FRMD4A: variants seen among roughly 807,000 people sequenced by gnomAD.
The protein encoded by FRMD4A is FERM domain containing 4A.
Under a neutral mutation model 129.1 loss-of-function variants are expected in FRMD4A, and 29 were observed. The observed-to-expected ratio is 0.22, with a 90% CI of 0.17 to 0.31. The LOEUF is 0.31. Among genes scored for constraint, FRMD4A ranks in the 10% least tolerant of loss-of-function variants. The pLI, the probability that FRMD4A is intolerant of heterozygous loss-of-function variation, is 1.00. For missense variants in FRMD4A, 1,272 were observed against 1,375.8 expected (o/e 0.92, Z 1.19); for synonymous variants, 634 against 571.6 (o/e 1.11, Z -1.56).
At chr10:13,799,026 C>A (rs1332362539) in intron 4 of FRMD4A, among the ~76,000 whole-genome samples, 1 of 152,216 alleles carries the variant, frequency 6.6e-6, no homozygotes, top group Non-Finnish European at 1.5e-5. Context: ...CTTCCCACAC[C>A]ACACACCGGG....
intron 2 of FRMD4A, among the ~76,000 whole-genome samples, chr10:14,328,492 G>T (rs1016378213): frequency 6.6e-6 from 1 of 151,878 alleles, no homozygotes. Flanking sequence ...TAGAAGAAAG[G>T]TCCAAGTAGG....
intron 15 of FRMD4A, chr10:13,693,140 C>A: frequency 6.4e-6 from 1 of 155,188 alleles, no homozygotes; most frequent in Non-Finnish European, 1.4e-5. Flanking sequence ...TCCCACAGTG[C>A]TGGGATTAGA....
At chr10:14,063,133 C>T (rs11258847) in intron 2 of FRMD4A, among the ~76,000 whole-genome samples, 21,335 of 151,860 alleles carry the variant, frequency 0.14, 1,909 homozygotes, top group African/African-American at 0.25. Context: ...AAGCAGAGAA[C>T]GTATTTTGCA....
At chr10:13,781,328 A>G (rs1445072091) in intron 6 of FRMD4A, among the ~76,000 whole-genome samples, 2 of 148,608 alleles carry the variant, frequency 1.3e-5, no homozygotes, top group African/African-American at 4.9e-5. Flanking sequence ...AAAAAAAAAA[A>G]AGGAAGGAAA....
At chr10:13,955,323 G>T (rs1402572842) in intron 2 of FRMD4A, among the ~76,000 whole-genome samples, 5 of 152,066 alleles carry the variant, frequency 3.3e-5, no homozygotes, top group Non-Finnish European at 7.4e-5. Context: ...GGCCAGGCTG[G>T]TCTCGAACTC....
intron 6 of FRMD4A, among the ~76,000 whole-genome samples, chr10:13,775,804 C>T (rs559376024): frequency 5.3e-5 from 8 of 152,248 alleles, no homozygotes; most frequent in East Asian, 3.9e-4. Context: ...CAAAGAGGAA[C>T]GAGAACTACC....
intron 2 of FRMD4A, among the ~76,000 whole-genome samples, chr10:13,949,761 G>A (rs2095359305): frequency 6.6e-6 from 1 of 152,154 alleles, no homozygotes; most frequent in Non-Finnish European, 1.5e-5. Flanking sequence ...GTGTGTAAGG[G>A]ACATCCCAAG....
At chr10:14,214,051 CATGT>C (rs1279252630) in intron 2 of FRMD4A, among the ~76,000 whole-genome samples, 1 of 152,244 alleles carries the variant, frequency 6.6e-6, no homozygotes, top group African/African-American at 2.4e-5. Flanking sequence ...TGGCTGCCGC[CATGT>C]AAGATGTGCG....
intron 3 of FRMD4A, among the ~76,000 whole-genome samples, chr10:13,837,202 A>G (rs11258665): frequency 0.18 from 27,255 of 152,170 alleles, 3,223 homozygotes; most frequent in East Asian, 0.45. Context: ...TGCTTTCCTC[A>G]AGGGGGTTGC....
At chr10:13,668,189 A>C (rs1167408157) in intron 17 of FRMD4A, 1 of 152,282 alleles carries the variant, frequency 6.6e-6, no homozygotes, top group East Asian at 1.9e-4. Flanking sequence ...ACTCCTTCTG[A>C]ATCCTGCCAA....
At chr10:14,009,053 T>C (rs2131632686) in intron 2 of FRMD4A, among the ~76,000 whole-genome samples, 1 of 152,366 alleles carries the variant, frequency 6.6e-6, no homozygotes, top group South Asian at 2.1e-4. Context: ...GAAGAAATTA[T>C]GTTTCGTTTT....
intron 2 of FRMD4A, among the ~76,000 whole-genome samples, chr10:14,035,645 G>T (rs1565201333): frequency 6.6e-6 from 1 of 152,100 alleles, no homozygotes; most frequent in South Asian, 2.1e-4. Context: ...TTATAACGGA[G>T]ATCAGGAAAG....
chr10:13,685,138 G>A (rs968292443), intron 15 of FRMD4A: 16 of 984,528 alleles, frequency 1.6e-5, no homozygotes, highest in East Asian at 1.1e-4. Context: ...AGAATTAGAT[G>A]TGATTTTTAA....
At chr10:14,005,089 C>A (rs998759785) in intron 2 of FRMD4A, among the ~76,000 whole-genome samples, 3 of 151,820 alleles carry the variant, frequency 2.0e-5, no homozygotes, top group East Asian at 3.9e-4. Flanking sequence ...GTGGCTCCAT[C>A]TTGGCTCACA....
intron 2 of FRMD4A, among the ~76,000 whole-genome samples, chr10:14,286,697 G>A (rs984030568): frequency 6.6e-6 from 1 of 152,140 alleles, no homozygotes; most frequent in African/African-American, 2.4e-5. Context: ...GCCCTTTGGA[G>A]GCCGTAATCT....
chr10:14,214,080 G>A (rs182946067), intron 2 of FRMD4A, among the ~76,000 whole-genome samples: 2 of 152,268 alleles, frequency 1.3e-5, no homozygotes, highest in Non-Finnish European at 2.9e-5. Context: ...CTCTTCCTTC[G>A]CCTTCTGCCA....
At chr10:13,801,845 TTA>T (rs762333123) in intron 4 of FRMD4A, among the ~76,000 whole-genome samples, 2 of 152,210 alleles carry the variant, frequency 1.3e-5, no homozygotes, top group Non-Finnish European at 2.9e-5. Flanking sequence ...CTCAAACCTT[TTA>T]TGTTTCTTTT....
At chr10:14,067,763 G>A (rs1208571640) in intron 2 of FRMD4A, among the ~76,000 whole-genome samples, 1 of 152,218 alleles carries the variant, frequency 6.6e-6, no homozygotes, top group Non-Finnish European at 1.5e-5. Flanking sequence ...GTTGCAGTGA[G>A]CAGAGATTGT....
At chr10:14,249,351 TAA>T (rs71388170) in intron 2 of FRMD4A, among the ~76,000 whole-genome samples, 1 of 143,742 alleles carries the variant, frequency 7.0e-6, no homozygotes, top group Non-Finnish European at 1.5e-5. Context: ...GAATCTGTCT[TAA>T]AAAAAAAAAA....
Sources: gnomAD v4.1 joint callset for allele counts (sites outside exome capture counted in the v4.1 genomes callset) on GRCh38, gnomAD v4.1.1 for gene constraint, MANE v1.5 for transcripts, NCBI Gene and HGNC (gene_info 2026-07-23, HGNC 2026-07-21) for gene names.